The following SLC4A10 variants were observed in gnomAD, a reference collection of about 807,000 sequenced individuals.
The protein encoded by SLC4A10 is sodium-driven chloride bicarbonate exchanger.
SLC4A10 carries 42 observed loss-of-function variants against 137.7 expected under a neutral mutation model. The observed-to-expected ratio is 0.30, with a 90% confidence interval of 0.24 to 0.39. SLC4A10 has a LOEUF of 0.39. Ranked by LOEUF, SLC4A10 falls within the 10% of genes least tolerant of loss-of-function variation. The pLI is 1.00. For missense variants in SLC4A10, 925 were observed against 1,355.0 expected, an observed-to-expected ratio of 0.68 and a Z score of 4.98; for synonymous variants, 474 against 464.1, an observed-to-expected ratio of 1.02 and a Z score of -0.27.
intron 19 of SLC4A10, among the ~76,000 whole-genome samples, chr2:161,951,203 A>G (rs1369186737): frequency 1.3e-5 from 2 of 152,158 alleles, no homozygotes; most frequent in African/African-American, 4.8e-5. Flanking sequence ...CTATTCCTCT[A>G]TTTAACCCTA....
At chr2:161,710,481 C>G in intron 1 of SLC4A10, 1 of 221,824 alleles carries the variant, frequency 4.5e-6, no homozygotes, top group Non-Finnish European at 9.4e-6. Context: ...AAAAAAATTA[C>G]TATTTTAGAA....
At chr2:161,747,589 C>T (rs544488306) in intron 1 of SLC4A10, among the ~76,000 whole-genome samples, 13 of 152,202 alleles carry the variant, frequency 8.5e-5, no homozygotes, top group East Asian at 3.9e-4. Flanking sequence ...GGTGTTCCTG[C>T]GAGTGGGATG....
At chr2:161,723,739 G>T (rs1416301918) in intron 1 of SLC4A10, among the ~76,000 whole-genome samples, 1 of 152,090 alleles carries the variant, frequency 6.6e-6, no homozygotes, top group Non-Finnish European at 1.5e-5. Context: ...TATTTCAGAA[G>T]CACTAAATAA....
intron 1 of SLC4A10, among the ~76,000 whole-genome samples, chr2:161,685,814 G>A (rs1224000098): frequency 2.0e-5 from 3 of 152,064 alleles, no homozygotes; most frequent in Admixed American, 2.0e-4. Flanking sequence ...ATCATCCAAG[G>A]TTATTTGACT....
At chr2:161,888,331 C>G (rs2126005574) in intron 10 of SLC4A10, among the ~76,000 whole-genome samples, 1 of 152,156 alleles carries the variant, frequency 6.6e-6, no homozygotes, top group East Asian at 1.9e-4. Context: ...TCTGCGAAGA[C>G]AGTCAATGGT....
intron 15 of SLC4A10, among the ~76,000 whole-genome samples, chr2:161,914,561 A>G (rs983016575): frequency 5.9e-5 from 9 of 152,128 alleles, no homozygotes; most frequent in Admixed American, 5.9e-4. Context: ...GGTCTATAAA[A>G]CTTGTTCTAA....
chr2:161,644,686 C>T (rs1479287730), intron 1 of SLC4A10, among the ~76,000 whole-genome samples: 5 of 152,112 alleles, frequency 3.3e-5, no homozygotes, highest in African/African-American at 9.7e-5. Flanking sequence ...CAGTAGTAAC[C>T]AAACTATCCC....
intron 1 of SLC4A10, among the ~76,000 whole-genome samples, chr2:161,714,620 C>G (rs1272664948): frequency 2.0e-5 from 3 of 151,946 alleles, no homozygotes; most frequent in East Asian, 3.9e-4. Context: ...TCAATTTAAT[C>G]TCATAAGAAT....
At chr2:161,741,258 C>A (rs1205481914) in intron 1 of SLC4A10, among the ~76,000 whole-genome samples, 7 of 100,052 alleles carry the variant, frequency 7.0e-5, no homozygotes, top group East Asian at 2.9e-4. Flanking sequence ...GAAAGACTCT[C>A]AAAAAAAAAA....
chr2:161,708,637 T>A (rs573279303), intron 1 of SLC4A10: 2 of 1,445,130 alleles, frequency 1.4e-6, no homozygotes, highest in East Asian at 5.0e-5. Flanking sequence ...GATATCTTGA[T>A]GATGGCTTAA....
intron 1 of SLC4A10, among the ~76,000 whole-genome samples, chr2:161,707,414 C>T (rs746323152): frequency 8.0e-5 from 12 of 150,398 alleles, no homozygotes; most frequent in Non-Finnish European, 1.8e-4. Flanking sequence ...TAATATGTTG[C>T]ACTTGGTGTC....
chr2:161,795,123 C>A (rs1027547862), intron 2 of SLC4A10, among the ~76,000 whole-genome samples: 1 of 151,988 alleles, frequency 6.6e-6, no homozygotes, highest in South Asian at 2.1e-4. Flanking sequence ...TGTTTCTGTG[C>A]CTCCCCTCAC....
chr2:161,752,846 A>G (rs60957185), intron 1 of SLC4A10, among the ~76,000 whole-genome samples: 11 of 152,096 alleles, frequency 7.2e-5, no homozygotes, highest in African/African-American at 2.7e-4. Flanking sequence ...TAGATATATC[A>G]TGGTGACTGT....
At chr2:161,841,851 A>C (rs369415546) in intron 4 of SLC4A10, among the ~76,000 whole-genome samples, 1 of 152,164 alleles carries the variant, frequency 6.6e-6, no homozygotes, top group South Asian at 2.1e-4. Flanking sequence ...AATCACTGTT[A>C]ATCTTTTCTG....
chr2:161,769,131 G>A (rs1429683960), intron 1 of SLC4A10, among the ~76,000 whole-genome samples: 1 of 151,736 alleles, frequency 6.6e-6, no homozygotes, highest in Admixed American at 6.6e-5. Context: ...TTTGGTTCTT[G>A]TTTTAGCCGA....
At chr2:161,857,535 CT>C (rs1457550792) in intron 5 of SLC4A10, among the ~76,000 whole-genome samples, 1 of 152,132 alleles carries the variant, frequency 6.6e-6, no homozygotes, top group African/African-American at 2.4e-5. Context: ...GAGATTTCCT[CT>C]CATTGAAAAC....
chr2:161,949,877 G>A (rs951383532), intron 18 of SLC4A10, among the ~76,000 whole-genome samples: 8 of 151,756 alleles, frequency 5.3e-5, no homozygotes, highest in African/African-American at 1.9e-4. Context: ...CCTATCACAT[G>A]ATGTGAGGTG....
chr2:161,675,592 T>G (rs1235321679), intron 1 of SLC4A10, among the ~76,000 whole-genome samples: 5 of 152,102 alleles, frequency 3.3e-5, no homozygotes, highest in African/African-American at 4.8e-5. Context: ...TTGACCTCTT[T>G]GGGTTTACTT....
chr2:161,977,318 A>G (rs1346117105), intron 25 of SLC4A10: 4 of 453,772 alleles, frequency 8.8e-6, no homozygotes, highest in East Asian at 6.8e-5. Context: ...CCTGACTCCA[A>G]CCCCCTGAAA....
Sources: gnomAD v4.1 joint callset for allele counts (sites outside exome capture counted in the v4.1 genomes callset) on GRCh38, gnomAD v4.1.1 for gene constraint, MANE v1.5 for transcripts, NCBI Gene and HGNC (gene_info 2026-07-23, HGNC 2026-07-21) for gene names.